Variants in SPHKAP observed in about 807,000 individuals in gnomAD.
The protein encoded by SPHKAP is SPHK1 interactor, AKAP domain containing.
In SPHKAP, 67 loss-of-function variants were observed where a neutral mutation model predicts 137.5. The ratio of observed to expected loss-of-function variants is 0.49; its 90% CI spans 0.40 to 0.60. SPHKAP has a LOEUF of 0.60. Ranked by LOEUF, SPHKAP falls within the 20% of genes least tolerant of loss-of-function variation. The pLI is 0.00. For synonymous variants in SPHKAP, 813 were observed against 785.3 expected, an observed-to-expected ratio of 1.04 and a Z score of -0.59; for missense variants, 2,097 against 2,069.3, an observed-to-expected ratio of 1.01 and a Z score of -0.26.
intron 11 of SPHKAP, chr2:227,982,071 ACAG>A (rs969107817): frequency 7.4e-5 from 72 of 969,966 alleles, no homozygotes; most frequent in Non-Finnish European, 8.2e-5. Context: ...TTTTTTTTTC[ACAG>A]CAGTTTGCCA....
intron 2 of SPHKAP, among the ~76,000 whole-genome samples, chr2:228,125,575 T>C (rs1258191040): frequency 6.6e-6 from 1 of 152,158 alleles, no homozygotes; most frequent in Non-Finnish European, 1.5e-5. Flanking sequence ...CTAATTCAAG[T>C]CTCTCAATTC....
intron 1 of SPHKAP, among the ~76,000 whole-genome samples, chr2:228,171,593 C>T (rs775801550): frequency 1.2e-4 from 19 of 152,054 alleles, no homozygotes; most frequent in Non-Finnish European, 2.8e-4. Flanking sequence ...GGTTCATTTG[C>T]GAGAGATCAC....
intron 5 of SPHKAP, among the ~76,000 whole-genome samples, chr2:228,023,637 A>C (rs1006878879): frequency 6.6e-5 from 10 of 152,136 alleles, no homozygotes; most frequent in African/African-American, 2.4e-4. Flanking sequence ...TATTGCATGC[A>C]AATTATGCAA....
At chr2:228,140,088 G>A (rs746238275) in intron 1 of SPHKAP, among the ~76,000 whole-genome samples, 3 of 151,522 alleles carry the variant, frequency 2.0e-5, no homozygotes, top group Non-Finnish European at 4.4e-5. Context: ...GAAATCATAG[G>A]CACCCACCAC....
intron 3 of SPHKAP, among the ~76,000 whole-genome samples, chr2:228,101,171 TC>T (rs1445141466): frequency 6.6e-6 from 1 of 152,102 alleles, no homozygotes; most frequent in South Asian, 2.1e-4. Context: ...TCCAGCATCA[TC>T]CCCACTTCCT....
chr2:228,152,448 G>C (rs1043257577), intron 1 of SPHKAP, among the ~76,000 whole-genome samples: 1 of 151,812 alleles, frequency 6.6e-6, no homozygotes, highest in Non-Finnish European at 1.5e-5. Flanking sequence ...GTTTTCTTTG[G>C]TTAGCCATTG....
intron 2 of SPHKAP, among the ~76,000 whole-genome samples, chr2:228,116,792 A>G (rs1698725588): frequency 6.6e-6 from 1 of 152,128 alleles, no homozygotes; most frequent in South Asian, 2.1e-4. Flanking sequence ...CTAAACTCCA[A>G]TGTTTAAGAT....
At chr2:228,170,602 G>T (rs547607196) in intron 1 of SPHKAP, among the ~76,000 whole-genome samples, 21 of 152,118 alleles carry the variant, frequency 1.4e-4, no homozygotes, top group Admixed American at 1.3e-3. Context: ...CTCTCTGAAG[G>T]TTCAGATGAT....
intron 3 of SPHKAP, among the ~76,000 whole-genome samples, chr2:228,071,749 C>T (rs1287459185): frequency 6.6e-6 from 1 of 151,986 alleles, no homozygotes; most frequent in African/African-American, 2.4e-5. Flanking sequence ...GCAACTGCAG[C>T]TACAGACCTC....
intron 3 of SPHKAP, among the ~76,000 whole-genome samples, chr2:228,103,359 T>A (rs572993002): frequency 6.6e-6 from 1 of 152,334 alleles, no homozygotes; most frequent in Non-Finnish European, 1.5e-5. Flanking sequence ...TCTGCCTCAC[T>A]CAACTGCCTT....
At position 228,129,985 on chromosome 2, in the gene SPHKAP, G is replaced by A. The variant is rs562112781; in HGVS notation, c.138+1995C>T. 8.9e-4 allele frequency among the ~76,000 whole-genome samples: 135 copies of A among 151,858 alleles called. 4 individuals are homozygous for A. The highest frequency in any genetic ancestry group is 3.3e-4 in the Admixed American group (5 of 15,230). ...CTAACTTTTGTATTTTAGTAGAGAC[G>A]GAGTTTCACCATATTGGTGAGGCTG... On this transcript the variant is annotated intron_variant, in intron 2 of 11. Coordinates refer to ENST00000392056, the MANE Select transcript of SPHKAP (RefSeq NM_001142644.2).
chr2:228,161,100 G>A (rs988260368), intron 1 of SPHKAP, among the ~76,000 whole-genome samples: 1 of 152,196 alleles, frequency 6.6e-6, no homozygotes, highest in Non-Finnish European at 1.5e-5. Context: ...TGAACTGTGA[G>A]GCACTGATAC....
At chr2:228,063,174 A>ATCTATCTGTCTG (rs756046439) in intron 3 of SPHKAP, among the ~76,000 whole-genome samples, 1,708 of 147,210 alleles carry the variant, frequency 0.012, 22 homozygotes, top group African/African-American at 0.034. Flanking sequence ...CTATCTATCT[A>ATCTATCTGTCTG]TCTGTCTGTC....
chr2:228,058,318 T>C (rs1330929112), intron 3 of SPHKAP, among the ~76,000 whole-genome samples: 1 of 152,158 alleles, frequency 6.6e-6, no homozygotes, highest in Non-Finnish European at 1.5e-5. Flanking sequence ...TATACACACA[T>C]TAGGTTACAT....
At chr2:228,108,153 C>T (rs932064502) in intron 3 of SPHKAP, among the ~76,000 whole-genome samples, 1 of 152,126 alleles carries the variant, frequency 6.6e-6, no homozygotes, top group Non-Finnish European at 1.5e-5. Context: ...GAAACACTCT[C>T]CCCCAATCTC....
intron 3 of SPHKAP, among the ~76,000 whole-genome samples, chr2:228,049,603 T>C (rs1301394803): frequency 6.6e-6 from 1 of 152,216 alleles, no homozygotes; most frequent in Non-Finnish European, 1.5e-5. Context: ...ATCACCCAGC[T>C]AGTGAGCATA....
At chr2:228,059,079 G>GA (rs1283213706) in intron 3 of SPHKAP, among the ~76,000 whole-genome samples, 1 of 152,148 alleles carries the variant, frequency 6.6e-6, no homozygotes, top group East Asian at 1.9e-4. Flanking sequence ...CTTTCACCCA[G>GA]AAAAATGCAT....
intron 3 of SPHKAP, among the ~76,000 whole-genome samples, chr2:228,046,097 C>T (rs6750141): frequency 0.38 from 58,030 of 151,828 alleles, 11,543 homozygotes; most frequent in South Asian, 0.51. Flanking sequence ...CACACACATA[C>T]GGTAATTATG....
intron 11 of SPHKAP, chr2:227,982,165 T>C (rs1693025148): frequency 3.0e-6 from 3 of 985,200 alleles, no homozygotes; most frequent in East Asian, 1.1e-4. Flanking sequence ...TTTAGTGTTT[T>C]CTTGGGTCTG....
Sources: gnomAD v4.1 joint callset for allele counts (sites outside exome capture counted in the v4.1 genomes callset) on GRCh38, gnomAD v4.1.1 for gene constraint, MANE v1.5 for transcripts, NCBI Gene and HGNC (gene_info 2026-07-23, HGNC 2026-07-21) for gene names.